AGBL4: variants seen among roughly 807,000 people sequenced by gnomAD.
AGBL4 encodes cytosolic carboxypeptidase 6.
AGBL4 carries 58 observed loss-of-function variants against 66.4 expected under a neutral mutation model. That is an observed-to-expected ratio of 0.87 (90% CI 0.71 to 1.09). The LOEUF (loss-of-function observed/expected upper bound fraction) is 1.09, where lower values mean the gene tolerates loss of function less well. AGBL4 is among the 50% of genes least tolerant of loss of function. AGBL4 has a pLI of 0.00. For missense variants in AGBL4, 579 were observed against 631.0 expected, an observed-to-expected ratio of 0.92 and a Z score of 0.88; for synonymous variants, 234 against 222.9, an observed-to-expected ratio of 1.05 and a Z score of -0.44.
At chr1:49,505,350 T>A (rs1359206569) in intron 3 of AGBL4, among the ~76,000 whole-genome samples, 1 of 152,014 alleles carries the variant, frequency 6.6e-6, no homozygotes. Context: ...TGTTTTTGTG[T>A]CACTAATTAG....
chr1:49,559,667 AC>A (rs2148851276), intron 3 of AGBL4, among the ~76,000 whole-genome samples: 1 of 152,228 alleles, frequency 6.6e-6, no homozygotes, highest in South Asian at 2.1e-4. Context: ...CTGCCCTTGA[AC>A]ATCAGCCTGC....
intron 3 of AGBL4, among the ~76,000 whole-genome samples, chr1:49,300,958 A>G (rs533430983): frequency 2.6e-5 from 4 of 152,282 alleles, no homozygotes; most frequent in African/African-American, 9.6e-5. Context: ...TGCCTCTCTC[A>G]TAGTTTGAAT....
intron 3 of AGBL4, among the ~76,000 whole-genome samples, chr1:49,455,812 C>T (rs1020301612): frequency 4.0e-5 from 6 of 151,730 alleles, no homozygotes; most frequent in Non-Finnish European, 5.9e-5. Context: ...TGTTCAACCA[C>T]ACTTACCTCA....
intron 2 of AGBL4, among the ~76,000 whole-genome samples, chr1:49,707,812 A>C (rs1647328953): frequency 1.3e-5 from 2 of 152,102 alleles, no homozygotes; most frequent in Non-Finnish European, 2.9e-5. Flanking sequence ...TCACTTATAA[A>C]GCTTAGTTTG....
chr1:49,345,857 T>C (rs1645624635), intron 3 of AGBL4, among the ~76,000 whole-genome samples: 1 of 152,104 alleles, frequency 6.6e-6, no homozygotes, highest in Non-Finnish European at 1.5e-5. Flanking sequence ...CAGGACAAAA[T>C]TGGAGGAGAC....
chr1:48,882,564 A>C (rs1240107820), intron 5 of AGBL4, among the ~76,000 whole-genome samples: 1 of 152,172 alleles, frequency 6.6e-6, no homozygotes, highest in East Asian at 1.9e-4. Context: ...ACCACAAAAA[A>C]AGTAAGTATG....
At chr1:48,530,622 A>G (rs1422801398), downstream of AGBL4, among the ~76,000 whole-genome samples, 1 of 152,164 alleles carries the variant, frequency 6.6e-6, no homozygotes, top group East Asian at 1.9e-4. Flanking sequence ...GGGGCTTAGC[A>G]ACGAAGAAAC....
chr1:49,915,895 G>A (rs1048507111), intron 1 of AGBL4, among the ~76,000 whole-genome samples: 13 of 152,134 alleles, frequency 8.5e-5, no homozygotes, highest in South Asian at 4.1e-4. Context: ...GCTTCCAGAG[G>A]AATGATCAGG....
In AGBL4 at chr1:49,532,784, G is replaced by A. The variant is rs921952855; in HGVS notation, c.282+164529C>T. Among the ~76,000 whole-genome samples the A allele has an allele frequency of 1.3e-5, 2 of 152,230 alleles. 1 individual carries two copies. Among genetic ancestry groups the A allele is most frequent in the Non-Finnish European group, 2.9e-5 (2 of 67,986 alleles). The stretch of plus-strand genomic sequence containing the variant: ...GTTTCTAAGGTCACCTATCTACCAA[G>A]TGATGGCACAGAAATTCAAACCCAG... On this transcript the variant is annotated intron_variant, in intron 3 of 13. Coordinates refer to ENST00000371839, the MANE Select transcript of AGBL4 (RefSeq NM_032785.4).
chr1:49,855,280 G>A (rs938553439), intron 1 of AGBL4, among the ~76,000 whole-genome samples: 7 of 152,012 alleles, frequency 4.6e-5, no homozygotes, highest in African/African-American at 1.7e-4. Context: ...TATTATTAAA[G>A]CTAAAGAGAG....
At chr1:48,962,096 C>CCCATCCAACCATCCAT (rs1553130988) in intron 5 of AGBL4, among the ~76,000 whole-genome samples, 62 of 151,030 alleles carry the variant, frequency 4.1e-4, no homozygotes, top group African/African-American at 1.5e-3. Context: ...CTTAAAAGAT[C>CCCATCCAACCATCCAT]CCATCCATCC....
chr1:48,705,526 T>TCATTA (rs1646869256), intron 6 of AGBL4, among the ~76,000 whole-genome samples: 1 of 152,206 alleles, frequency 6.6e-6, no homozygotes, highest in South Asian at 2.1e-4. Flanking sequence ...GGCAGAAATA[T>TCATTA]CATTACCCTT....
At chr1:49,175,723 AG>A (rs1281418305) in intron 4 of AGBL4, among the ~76,000 whole-genome samples, 1 of 152,154 alleles carries the variant, frequency 6.6e-6, no homozygotes, top group African/African-American at 2.4e-5. Context: ...TCAACTGACC[AG>A]GGTCTACAGG....
chr1:48,566,418 A>C (rs1383540553), intron 11 of AGBL4, among the ~76,000 whole-genome samples: 1 of 152,238 alleles, frequency 6.6e-6, no homozygotes, highest in Non-Finnish European at 1.5e-5. Context: ...CACTTCAAAT[A>C]CTTCTTCTCT....
chr1:48,663,712 A>G (rs988872341), intron 6 of AGBL4, among the ~76,000 whole-genome samples: 2 of 152,198 alleles, frequency 1.3e-5, no homozygotes, highest in Non-Finnish European at 2.9e-5. Flanking sequence ...TAAATGATGG[A>G]GTAGAGAAGG....
intron 3 of AGBL4, among the ~76,000 whole-genome samples, chr1:49,395,858 AAT>A (rs144178600): frequency 1.9e-4 from 24 of 126,098 alleles, no homozygotes; most frequent in Middle Eastern, 4.3e-3. Context: ...TACACACATA[AAT>A]ATATATATAT....
chr1:49,598,632 G>A (rs966638488), intron 3 of AGBL4, among the ~76,000 whole-genome samples: 2 of 152,052 alleles, frequency 1.3e-5, no homozygotes, highest in African/African-American at 4.8e-5. Context: ...CCTACTGGGG[G>A]GTGCCTCCCA....
chr1:49,452,093 C>G (rs1646289934), intron 3 of AGBL4, among the ~76,000 whole-genome samples: 1 of 151,638 alleles, frequency 6.6e-6, no homozygotes, highest in African/African-American at 2.4e-5. Flanking sequence ...AATTGTATAC[C>G]CTCTCTCCCA....
intron 3 of AGBL4, among the ~76,000 whole-genome samples, chr1:49,531,959 G>T (rs1570962757): frequency 6.6e-6 from 1 of 152,022 alleles, no homozygotes; most frequent in Non-Finnish European, 1.5e-5. Context: ...ATGGGAAAAG[G>T]TATATACAAT....
Sources: gnomAD v4.1 joint callset for allele counts (sites outside exome capture counted in the v4.1 genomes callset) on GRCh38, gnomAD v4.1.1 for gene constraint, MANE v1.5 for transcripts, NCBI Gene and HGNC (gene_info 2026-07-23, HGNC 2026-07-21) for gene names.